PRKD1: variants seen among roughly 807,000 people sequenced by gnomAD.
The protein encoded by PRKD1 is protein kinase D1.
PRKD1 carries 63 observed loss-of-function variants against 95.9 expected under a neutral mutation model. The observed-to-expected ratio is 0.66, with a 90% CI of 0.54 to 0.81. PRKD1 has a LOEUF of 0.81. Ranked by LOEUF, PRKD1 falls within the 30% of genes least tolerant of loss-of-function variation. The pLI is 0.00. For synonymous variants in PRKD1, 425 were observed against 423.1 expected (o/e 1.00, Z -0.05); for missense variants, 1,048 against 1,165.3 (o/e 0.90, Z 1.47).
At chr14:29,865,250 CTA>C (rs1285205417) in intron 1 of PRKD1, among the ~76,000 whole-genome samples, 2 of 152,136 alleles carry the variant, frequency 1.3e-5, no homozygotes, top group African/African-American at 4.8e-5. Context: ...GTAATTACCT[CTA>C]GTCTCCAACA....
chr14:29,763,438 A>G (rs969202976), intron 1 of PRKD1, among the ~76,000 whole-genome samples: 9 of 58,462 alleles, frequency 1.5e-4, no homozygotes, highest in African/African-American at 3.6e-4. Context: ...AGGGGGAGGG[A>G]GGGGGGAGGG....
At chr14:29,896,455 T>C (rs145831472) in intron 1 of PRKD1, among the ~76,000 whole-genome samples, 15 of 152,160 alleles carry the variant, frequency 9.9e-5, no homozygotes, top group African/African-American at 3.4e-4. Context: ...GCTTAGGTGA[T>C]AGGAGAGGAA....
Position 29,717,804 on chromosome 14 carries a change from C to T in PRKD1, c.403+7732G>A, listed in dbSNP as rs553270883. On this transcript the variant is annotated intron_variant, in intron 2 of 17. Coordinates refer to ENST00000331968, the MANE Select transcript of PRKD1 (RefSeq NM_002742.3). ...TCATATGAAATAAGAGGCTTCAAGA[C>T]TTTTCACTTCCGGGTTTGTCTTATT... Among the ~76,000 whole-genome samples, 62 of 152,212 alleles carry T rather than the reference C, an allele frequency of 4.1e-4. 1 individual carries two copies. Among genetic ancestry groups the T allele is most frequent in the Middle Eastern group, 6.8e-3 (2 of 294 alleles).
At chr14:29,757,381 G>A (rs955076112) in intron 1 of PRKD1, among the ~76,000 whole-genome samples, 1 of 152,162 alleles carries the variant, frequency 6.6e-6, no homozygotes, top group Non-Finnish European at 1.5e-5. Flanking sequence ...AAGGTACCTA[G>A]CCCCACCTGA....
chr14:29,700,610 CT>C lies in PRKD1; in HGVS notation c.403+24925del, dbSNP rs528473609. Among the ~76,000 whole-genome samples, 416 of 152,158 alleles carry C rather than the reference CT, an allele frequency of 2.7e-3. 2 individuals are homozygous for C. Among genetic ancestry groups the C allele is most frequent in the Middle Eastern group, 0.014 (4 of 294 alleles). ...TTGTGTGACGGTTAATCTTATGTGC[CT>C]TCTTGGCTAGATTATGCTCCAGATA... On this transcript the variant is annotated intron_variant, in intron 2 of 17. Transcript: ENST00000331968.
In PRKD1 at chr14:29,848,599, C is replaced by A. The variant is rs572840380; in HGVS notation, c.264+78650G>T. On this transcript the variant is annotated intron_variant, in intron 1 of 17. Transcript: ENST00000331968. The stretch of plus-strand genomic sequence containing the variant: ...GGAAAAAAAAAAACAAAACAGCAAA[C>A]CCTGAAAAAGAGAGAGAATCTGATT... 5.0e-4 allele frequency among the ~76,000 whole-genome samples: 75 copies of A among 150,612 alleles called. No individual in the cohort carries two copies. In the Middle Eastern group the frequency reaches 0.01, roughly 20 times the overall value.
intron 13 of PRKD1, among the ~76,000 whole-genome samples, chr14:29,621,915 C>T (rs1013147727): frequency 2.0e-5 from 3 of 152,190 alleles, no homozygotes; most frequent in Admixed American, 1.3e-4. Flanking sequence ...CAGAACTGGA[C>T]TTTCAACCTA....
rs369567188 is a variant in PRKD1, at chr14:29,811,175, T to G, written c.265-85501A>C. ...GGTACTAAAATATCAAGTGTTTTCC[T>G]TTCTTCCGCAGCTTCCCCTCAACCT... On this transcript the variant is annotated intron_variant, in intron 1 of 17. Coordinates refer to ENST00000331968, the MANE Select transcript of PRKD1 (RefSeq NM_002742.3). Among the ~76,000 whole-genome samples, 369 of 152,316 alleles carry G rather than the reference T, an allele frequency of 2.4e-3. 2 individuals are homozygous for G. The highest frequency in any genetic ancestry group is 3.5e-3 in the Non-Finnish European group (241 of 68,028).
At position 29,701,558 on chromosome 14, in the gene PRKD1, T is replaced by G. The variant is rs554967189; in HGVS notation, c.403+23978A>C. Among the ~76,000 whole-genome samples the G allele has an allele frequency of 1.8e-4, 28 of 152,346 alleles. No individual in the cohort carries two copies. The South Asian group carries it at 5.0e-3, about 27-fold the overall frequency. On this transcript the variant is annotated intron_variant, in intron 2 of 17. Transcript: ENST00000331968. ...GCAATTCAGTTCATACATGAAAGGC[T>G]ACATAAATTCTGAATTCCTTACTTT...
chr14:29,732,410 C>G (rs1268180279), intron 1 of PRKD1, among the ~76,000 whole-genome samples: 2 of 152,038 alleles, frequency 1.3e-5, no homozygotes, highest in Non-Finnish European at 2.9e-5. Context: ...TTCCATTTCT[C>G]CTCTTCCTGC....
At chr14:29,773,510 G>A (rs1325662719) in intron 1 of PRKD1, among the ~76,000 whole-genome samples, 1 of 149,688 alleles carries the variant, frequency 6.7e-6, no homozygotes, top group Non-Finnish European at 1.5e-5. Context: ...ATTATATTAT[G>A]TAGGTATACA....
At chr14:29,669,209 A>G (rs1882700748) in intron 2 of PRKD1, among the ~76,000 whole-genome samples, 1 of 152,212 alleles carries the variant, frequency 6.6e-6, no homozygotes, top group Admixed American at 6.5e-5. Context: ...AAGATCAAAA[A>G]TTCTTTTAGT....
Position 29,799,008 on chromosome 14 carries a change from C to T in PRKD1, c.265-73334G>A, listed in dbSNP as rs542388412. On this transcript the variant is annotated intron_variant, in intron 1 of 17. Transcript: ENST00000331968. ...TCTTTCTTGGGTGGGAGTACCTCCA[C>T]GATTTGGCAGCTGCTTAAGTCAAGA... is the stretch of plus-strand genomic sequence containing the variant. 1.2e-4 allele frequency among the ~76,000 whole-genome samples: 18 copies of T among 152,302 alleles called. No individual in the cohort carries two copies. In the South Asian group the frequency reaches 3.3e-3, roughly 28 times the overall value.
At chr14:29,583,759 G>A (rs887463380) in intron 16 of PRKD1, among the ~76,000 whole-genome samples, 3 of 151,900 alleles carry the variant, frequency 2.0e-5, no homozygotes, top group African/African-American at 7.3e-5. Context: ...TTCTCCTCAT[G>A]AGCAGAGTTT....
chr14:29,655,678 G>C (rs1265670531), intron 4 of PRKD1, among the ~76,000 whole-genome samples: 2 of 152,074 alleles, frequency 1.3e-5, no homozygotes, highest in Admixed American at 6.5e-5. Flanking sequence ...GCTTAAAATA[G>C]AAAAAAGGCC....
chr14:29,911,318 G>A (rs561096014), intron 1 of PRKD1, among the ~76,000 whole-genome samples: 53 of 152,308 alleles, frequency 3.5e-4, no homozygotes, highest in African/African-American at 1.2e-3. Context: ...ATTGTTGAAT[G>A]TGGTTGTTCA....
chr14:29,723,357 T>G (rs938608260), intron 2 of PRKD1, among the ~76,000 whole-genome samples: 1 of 151,982 alleles, frequency 6.6e-6, no homozygotes, highest in African/African-American at 2.4e-5. Context: ...GCAAAGCCTC[T>G]TGGAAATGGG....
chr14:29,889,874 C>A (rs1356396616), intron 1 of PRKD1, among the ~76,000 whole-genome samples: 1 of 152,212 alleles, frequency 6.6e-6, no homozygotes, highest in Non-Finnish European at 1.5e-5. Context: ...TACCCTAGAA[C>A]TTAAAGTATA....
At chr14:29,579,073 A>G (rs1305380184) in intron 16 of PRKD1, among the ~76,000 whole-genome samples, 3 of 151,952 alleles carry the variant, frequency 2.0e-5, no homozygotes, top group Non-Finnish European at 2.9e-5. Context: ...CCTCTGGCCT[A>G]GTACTCTGCT....
Sources: gnomAD v4.1 joint callset for allele counts (sites outside exome capture counted in the v4.1 genomes callset) on GRCh38, gnomAD v4.1.1 for gene constraint, MANE v1.5 for transcripts, NCBI Gene and HGNC (gene_info 2026-07-23, HGNC 2026-07-21) for gene names.